The following CSMD1 variants were observed in gnomAD, a reference collection of about 807,000 sequenced individuals.
CSMD1 encodes CUB and sushi domain-containing protein 1.
A neutral mutation model predicts 417.5 loss-of-function variants in CSMD1; 213 were observed. That is an observed-to-expected ratio of 0.51 (90% CI 0.46 to 0.57). The LOEUF (loss-of-function observed/expected upper bound fraction) is 0.57, where lower values mean the gene tolerates loss of function less well. CSMD1 is among the 20% of genes least tolerant of loss of function. CSMD1 has a pLI of 0.00. For missense variants in CSMD1, 6,923 were observed against 4,529.7 expected, an observed-to-expected ratio of 1.53 and a Z score of -15.17; for synonymous variants, 2,862 against 1,736.8, an observed-to-expected ratio of 1.65 and a Z score of -16.11.
intron 4 of CSMD1, among the ~76,000 whole-genome samples, chr8:4,010,817 G>C (rs1199651347): frequency 6.6e-6 from 1 of 152,096 alleles, no homozygotes; most frequent in Non-Finnish European, 1.5e-5. Flanking sequence ...AACACCTTTG[G>C]TTCCAGTCTA....
chr8:3,698,123 G>A (rs956845193), intron 7 of CSMD1, among the ~76,000 whole-genome samples: 15 of 152,068 alleles, frequency 9.9e-5, no homozygotes, highest in African/African-American at 3.6e-4. Flanking sequence ...TTTGCTTCTA[G>A]TTCCCAGTGA....
intron 3 of CSMD1, among the ~76,000 whole-genome samples, chr8:4,163,824 C>T (rs1024416308): frequency 4.0e-5 from 6 of 151,864 alleles, no homozygotes; most frequent in Admixed American, 3.3e-4. Context: ...ACACCTATAC[C>T]CCTTCATCAT....
chr8:4,074,506 T>A (rs554503607), intron 3 of CSMD1, among the ~76,000 whole-genome samples: 23 of 152,118 alleles, frequency 1.5e-4, no homozygotes, highest in Non-Finnish European at 3.2e-4. Context: ...GTTTGATACT[T>A]TACAAAACAT....
chr8:3,573,095 G>A (rs750407700), intron 10 of CSMD1, among the ~76,000 whole-genome samples: 1 of 151,948 alleles, frequency 6.6e-6, no homozygotes, highest in African/African-American at 2.4e-5. Flanking sequence ...GTTAATAAGT[G>A]TTTTTTTCTA....
At chr8:4,132,023 C>A (rs903058750) in intron 3 of CSMD1, among the ~76,000 whole-genome samples, 3 of 152,044 alleles carry the variant, frequency 2.0e-5, no homozygotes, top group Non-Finnish European at 4.4e-5. Flanking sequence ...CTATTTCTAT[C>A]AGAATCCCTT....
rs374275143 is a variant in CSMD1, at chr8:4,140,153, G to C, written c.416-108054C>G. On this transcript the variant is annotated intron_variant, in intron 3 of 69. Coordinates refer to ENST00000635120, the MANE Select transcript of CSMD1 (RefSeq NM_033225.6). ...GGATTCCTTGAGCCCAGGGGTTTGC[G>C]ACCAGCCTGAGCAACATAGCAAAAA... Among the ~76,000 whole-genome samples, 8 of 150,770 alleles carry C rather than the reference G, an allele frequency of 5.3e-5. No individual in the cohort carries two copies. The South Asian group carries it at 6.2e-4, about 12-fold the overall frequency.
chr8:4,768,720 A>C (rs1489101172), intron 1 of CSMD1, among the ~76,000 whole-genome samples: 1 of 152,068 alleles, frequency 6.6e-6, no homozygotes, highest in Non-Finnish European at 1.5e-5. Flanking sequence ...GGAGCACCAA[A>C]CTCCCCAGGA....
intron 7 of CSMD1, among the ~76,000 whole-genome samples, chr8:3,675,380 G>A (rs1799319899): frequency 6.6e-6 from 1 of 152,186 alleles, no homozygotes; most frequent in Non-Finnish European, 1.5e-5. Context: ...AGCAATGTGG[G>A]CTTGGATATG....
chr8:3,856,638 G>C (rs1420844618), intron 5 of CSMD1, among the ~76,000 whole-genome samples: 1 of 152,166 alleles, frequency 6.6e-6, no homozygotes, highest in Non-Finnish European at 1.5e-5. Context: ...CCCTGCAGCA[G>C]CAGTAAACGT....
At chr8:3,557,600 T>TTCC (rs1799213153) in intron 10 of CSMD1, among the ~76,000 whole-genome samples, 1 of 152,210 alleles carries the variant, frequency 6.6e-6, no homozygotes, top group South Asian at 2.1e-4. Context: ...AGCCTCTCAC[T>TTCC]GCTTGAGGCT....
intron 28 of CSMD1, among the ~76,000 whole-genome samples, chr8:3,222,248 T>G (rs945812418): frequency 4.6e-5 from 7 of 152,242 alleles, no homozygotes; most frequent in African/African-American, 1.7e-4. Flanking sequence ...GCCTTAAATA[T>G]GCATATCATC....
intron 3 of CSMD1, among the ~76,000 whole-genome samples, chr8:4,265,772 A>G (rs1032504218): frequency 7.6e-5 from 8 of 105,214 alleles, no homozygotes; most frequent in African/African-American, 2.1e-4. Context: ...TCAGTGCTCA[A>G]GTTTCCCTAA....
chr8:4,407,286 T>C (rs1038744407), intron 3 of CSMD1, among the ~76,000 whole-genome samples: 7 of 152,198 alleles, frequency 4.6e-5, no homozygotes, highest in African/African-American at 1.7e-4. Flanking sequence ...AGTAATTTCA[T>C]AGGAATAAAA....
intron 49 of CSMD1, among the ~76,000 whole-genome samples, chr8:3,076,326 T>G (rs906996455): frequency 1.4e-5 from 2 of 142,368 alleles, no homozygotes; most frequent in African/African-American, 5.5e-5. Context: ...CCTCTTTGTA[T>G]GAGGACACCA....
At chr8:3,601,910 G>C (rs1034220580) in intron 8 of CSMD1, among the ~76,000 whole-genome samples, 1 of 152,166 alleles carries the variant, frequency 6.6e-6, no homozygotes, top group African/African-American at 2.4e-5. Context: ...TAGAGAGAGA[G>C]AGGGTTATAG....
intron 48 of CSMD1, among the ~76,000 whole-genome samples, chr8:3,088,842 G>C (rs1814721459): frequency 1.1e-4 from 4 of 36,258 alleles, no homozygotes; most frequent in Admixed American, 1.0e-3. Context: ...CACTGTGCTA[G>C]TAAAAAAAAA....
At chr8:3,891,328 G>C (rs907775236) in intron 5 of CSMD1, among the ~76,000 whole-genome samples, 2 of 152,112 alleles carry the variant, frequency 1.3e-5, no homozygotes, top group African/African-American at 2.4e-5. Context: ...GGGATTACAG[G>C]CGTGAGCCAC....
At position 3,849,669 on chromosome 8, in the gene CSMD1, T is replaced by G. The variant is rs552911899; in HGVS notation, c.819-95627A>C. Among the ~76,000 whole-genome samples, 140 of 152,250 alleles carry G rather than the reference T, an allele frequency of 9.2e-4. 4 individuals carry two copies. In the South Asian group the frequency reaches 0.029, roughly 31 times the overall value. On this transcript the variant is annotated intron_variant, in intron 5 of 69. Coordinates refer to ENST00000635120, the MANE Select transcript of CSMD1 (RefSeq NM_033225.6). ...TCGAAGTCCCCAGGGAGGGGTCGAT[T>G]TTAGTGATGTTGTCAACTGCTGAAA...
intron 3 of CSMD1, among the ~76,000 whole-genome samples, chr8:4,066,444 A>C (rs1799253339): frequency 6.6e-6 from 1 of 152,178 alleles, no homozygotes; most frequent in Non-Finnish European, 1.5e-5. Context: ...CATGCTAGCT[A>C]CCCGATAATA....
Sources: gnomAD v4.1 joint callset for allele counts (sites outside exome capture counted in the v4.1 genomes callset) on GRCh38, gnomAD v4.1.1 for gene constraint, MANE v1.5 for transcripts, NCBI Gene and HGNC (gene_info 2026-07-23, HGNC 2026-07-21) for gene names.